The following GAS6 variants were observed in gnomAD, a reference collection of about 807,000 sequenced individuals.
GAS6 encodes the protein growth arrest specific 6, also known as growth arrest-specific protein 6.
Under a neutral mutation model 75.8 loss-of-function variants are expected in GAS6, and 41 were observed. The observed-to-expected ratio is 0.54, with a 90% CI of 0.42 to 0.70. The LOEUF (loss-of-function observed/expected upper bound fraction) is 0.70, where lower values mean the gene tolerates loss of function less well. Ranked by LOEUF, GAS6 falls within the 30% of genes least tolerant of loss-of-function variation. The pLI is 0.00. For missense variants in GAS6, 854 were observed against 940.2 expected, an observed-to-expected ratio of 0.91 and a Z score of 1.20; for synonymous variants, 432 against 412.6, an observed-to-expected ratio of 1.05 and a Z score of -0.57.
chr13:113,821,623 C>T (rs1255707113), intron 14 of GAS6: 1 of 352,776 alleles, frequency 2.8e-6, no homozygotes, highest in Non-Finnish European at 5.2e-6. Context: ...CGGGTCCCAA[C>T]TGCAGCCTGG....
At chr13:113,834,772 C>G (rs1161245693) in intron 7 of GAS6, 100 bp from the exon 8 acceptor site, 1 of 1,247,582 alleles carries the variant, frequency 8.0e-7, no homozygotes, top group African/African-American at 1.5e-5. Context: ...AAGGTGCGCT[C>G]AAGGAATTAC....
chr13:113,822,389 A>C, intron 13 of GAS6: 2 of 482,608 alleles, frequency 4.1e-6, no homozygotes, highest in Non-Finnish European at 7.3e-6. Context: ...CTGCACGTAA[A>C]GCCAGGGGCC....
intron 11 of GAS6, among the ~76,000 whole-genome samples, 185 bp downstream of exon 11, chr13:113,828,362 T>C (rs1441327233): frequency 2.6e-5 from 4 of 152,142 alleles, no homozygotes; most frequent in Admixed American, 2.6e-4. Context: ...TAAAAAGAGA[T>C]GGTAAAATTA....
chr13:113,862,552 G>A (rs1362489152), intron 2 of GAS6, among the ~76,000 whole-genome samples: 1 of 152,244 alleles, frequency 6.6e-6, no homozygotes, highest in Non-Finnish European at 1.5e-5. Context: ...CTGTGGGGCT[G>A]TGGGCAGCCC....
Position 113,820,904 on chromosome 13 carries a change from G to A in GAS6, c.1997C>T (p.Thr666Met), listed in dbSNP as rs764482337. ...CTCCACGGGGGGGCAGGAGTGGGCC[G>A]TGATGTCGCTGTGCTTGTACGCCGC... ...DEAAYKHSDI[T>M]AHSCPPVEPA... is the part of the protein sequence containing the mutation. Residue 666 changes from threonine to methionine, a missense_variant, in exon 15 of 15, where the codon ACG becomes ATG. By Grantham distance (81) the Thr-to-Met change is moderately conservative. Coordinates refer to ENST00000327773, the MANE Select transcript of GAS6 (RefSeq NM_000820.4). 19 of 1,611,902 alleles carry A rather than the reference G, an allele frequency of 1.2e-5. No individual in the cohort carries two copies. Among genetic ancestry groups the A allele is most frequent in the South Asian group, 6.6e-5 (6 of 91,052 alleles).
At position 113,863,031 on chromosome 13, in the gene GAS6, G is replaced by A. The variant is rs1402597279; in HGVS notation, c.255+544C>T. On this transcript the variant is annotated intron_variant, in intron 2 of 14. Transcript: ENST00000327773. This position sits in a 1 kb window ranked among gnomAD's most constrained non-coding sequence, Gnocchi z 9.4. The stretch of plus-strand genomic sequence containing the variant: ...CACCGTCGGGCTCCTGAAAGCACCC[G>A]CTGCCTCCAGGAGAGCACCTGGCAG... Among the ~76,000 whole-genome samples the A allele has an allele frequency of 6.6e-6, 1 of 152,166 alleles. No individual in the cohort carries two copies. Among genetic ancestry groups the A allele is most frequent in the African/African-American group, 2.4e-5 (1 of 41,448 alleles).
rs566293645 is a variant in GAS6 at position 113,856,762 on chromosome 13, GCCTC to G, written c.255+6809_255+6812del. ...TCCAGACACACCCAAAGCCCACTGC[GCCTC>G]CCTGAGAGCTCCCGCGTCCGGGCTG... On this transcript the variant is annotated intron_variant, in intron 2 of 14. Transcript: ENST00000327773. Among the ~76,000 whole-genome samples the G allele has an allele frequency of 2.9e-3, 446 of 152,316 alleles. 1 individual carries two copies. Among genetic ancestry groups the G allele is most frequent in the Admixed American group, 7.3e-3 (111 of 15,300 alleles).
chr13:113,860,434 G>A (rs1672362539), intron 2 of GAS6, among the ~76,000 whole-genome samples: 1 of 152,198 alleles, frequency 6.6e-6, no homozygotes, highest in Non-Finnish European at 1.5e-5. Context: ...CAGTAGGGCT[G>A]GGCTGGGATA....
In GAS6 at chr13:113,863,381, ACCGGCCTGCGCGGGGATCCCGGGGTCG is replaced by A. The variant is rs1310169922; in HGVS notation, c.255+167_255+193del. ...TTCCCGGACAGCCCCGCAGCGTCTC[ACCGGCCTGCGCGGGGATCCCGGGGTCG>A]CCGGGGGATGGGCGTGGGGGACGCG... On this transcript the variant is annotated intron_variant, in intron 2 of 14. Coordinates refer to ENST00000327773, the MANE Select transcript of GAS6 (RefSeq NM_000820.4). This position sits in a 1 kb window ranked among gnomAD's most constrained non-coding sequence, Gnocchi z 9.4. Among the ~76,000 whole-genome samples, 1 of 152,008 alleles carries A rather than the reference ACCGGCCTGCGCGGGGATCCCGGGGTCG, an allele frequency of 6.6e-6. No homozygotes were observed. Among genetic ancestry groups the A allele is most frequent in the Non-Finnish European group, 1.5e-5 (1 of 67,970 alleles).
intron 8 of GAS6, chr13:113,833,003 T>C (rs1040866818): frequency 7.1e-7 from 1 of 1,407,314 alleles, no homozygotes; most frequent in Non-Finnish European, 9.3e-7. Flanking sequence ...TCCCTGCTCA[T>C]TTCCCTTGAC....
chr13:113,862,129 G>A (rs2051976271), intron 2 of GAS6, among the ~76,000 whole-genome samples: 1 of 152,216 alleles, frequency 6.6e-6, no homozygotes, highest in African/African-American at 2.4e-5. Flanking sequence ...CCAGGTAGGG[G>A]ACTGACTTGG....
intron 12 of GAS6, 144 bp downstream of exon 12, chr13:113,826,852 A>ACCCCCC: frequency 7.2e-5 from 4 of 55,496 alleles, no homozygotes; most frequent in South Asian, 2.1e-4. Context: ...ACCTCCGCCC[A>ACCCCCC]CCCCGCCCAC....
chr13:113,832,571 G>A (rs1395874438), intron 9 of GAS6, 63 bp downstream of exon 9: 13 of 1,605,072 alleles, frequency 8.1e-6, no homozygotes, highest in Admixed American at 1.7e-5. Context: ...CCTGGCCCGG[G>A]CCCTGTGAAG....
At position 113,835,567 on chromosome 13, in the gene GAS6, A is replaced by G. The variant is rs1223636956; in HGVS notation, c.658T>C (p.Ser220Pro). The G allele has an allele frequency of 3.1e-6, 5 of 1,612,426 alleles. No homozygotes were observed. The highest frequency in any genetic ancestry group is 2.7e-5 in the African/African-American group (2 of 74,900). Residue 220 changes from serine to proline, a missense_variant, in exon 7 of 15, where the codon TCC becomes CCC. Transcript: ENST00000327773. ...ARCKNLPGSY[S>P]CLCDEGFAYS... ...GCAAAGCCCTCGTCACAGAGGCAGG[A>G]GTAGGAGCCGGGCAGGTTCTTGCAG...
intron 4 of GAS6, chr13:113,840,440 C>A: frequency 6.5e-6 from 1 of 153,008 alleles, no homozygotes; most frequent in Non-Finnish European, 1.5e-5. Context: ...CTGGGCTCAG[C>A]TCCTGCAGGG....
chr13:113,840,928 A>G (rs2051768261), intron 4 of GAS6: 1 of 152,278 alleles, frequency 6.6e-6, no homozygotes, highest in Non-Finnish European at 1.5e-5. Context: ...AGTCCCTGGG[A>G]AAAGTGCAGG....
Position 113,820,696 on chromosome 13 carries a change from G to A in GAS6, c.*168C>T, listed in dbSNP as rs1385383486. Reference sequence around the variant, plus strand: ...CGCCCGGGCCCACGGCTGAGTGCGCGGCGTCAGAGGCCCCAAGTCCATCTC... The same window carrying A: ...CGCCCGGGCCCACGGCTGAGTGCGCAGCGTCAGAGGCCCCAAGTCCATCTC... On this transcript the variant is annotated 3_prime_UTR_variant, in exon 15 of 15. Coordinates refer to ENST00000327773, the MANE Select transcript of GAS6 (RefSeq NM_000820.4). 17 of 786,478 alleles carry A rather than the reference G, an allele frequency of 2.2e-5. No individual in the cohort carries two copies. In the Admixed American group the frequency reaches 2.9e-4, roughly 14 times the overall value. 48.7% of individuals were successfully genotyped at this position (786,478 alleles called of 1,614,324 possible).
At chr13:113,850,488 T>C (rs1419539396) in intron 2 of GAS6, among the ~76,000 whole-genome samples, 1 of 152,136 alleles carries the variant, frequency 6.6e-6, no homozygotes, top group African/African-American at 2.4e-5. Flanking sequence ...ATGGCGCCAT[T>C]TGGCCCCTGG....
chr13:113,834,556 A>C lies in GAS6; in HGVS notation c.829T>G (p.Cys277Gly). 1 of 1,585,858 alleles carries C rather than the reference A, an allele frequency of 6.3e-7. No individual in the cohort carries two copies. The highest frequency in any genetic ancestry group is 8.6e-7 in the Non-Finnish European group (1 of 1,168,150). Residue 277 changes from cysteine to glycine, a missense_variant, in exon 8 of 15, where the codon TGT (cysteine) becomes GGT (glycine). Physicochemically the swap from Cys to Gly is radical, Grantham distance 159 (BLOSUM62 -3). Coordinates refer to ENST00000327773, the MANE Select transcript of GAS6 (RefSeq NM_000820.4). ...CGGGGCCAGGGGCCGCCTACCTCAC[A>C]GGTGTCCATGTCCTGGGACAGCTTG... ...GLKLSQDMDTCEDILPCVPFS... is the reference protein window; with the variant it reads ...GLKLSQDMDTGEDILPCVPFS...
Sources: allele counts gnomAD v4.1 joint callset (sites outside exome capture counted in the v4.1 genomes callset), GRCh38; gene constraint gnomAD v4.1.1; non-coding constraint Gnocchi (gnomAD v3.1); transcripts MANE v1.5; gene names NCBI Gene and HGNC (gene_info 2026-07-23, HGNC 2026-07-21).